Variants in MAPK8 observed in about 807,000 individuals in gnomAD.
MAPK8 encodes the protein mitogen-activated protein kinase 8.
In MAPK8, 13 loss-of-function variants were observed where a neutral mutation model predicts 52.9. The ratio of observed to expected loss-of-function variants is 0.25; its 90% CI spans 0.16 to 0.39. MAPK8 has a LOEUF of 0.39. Among genes scored for constraint, MAPK8 ranks in the 10% least tolerant of loss-of-function variants. The pLI, the probability that MAPK8 is intolerant of heterozygous loss-of-function variation, is 1.00. For synonymous variants in MAPK8, 191 were observed against 169.8 expected, an observed-to-expected ratio of 1.12 and a Z score of -0.97; for missense variants, 300 against 519.2, an observed-to-expected ratio of 0.58 and a Z score of 4.10.
At chr10:48,417,707 A>G (rs546937534) in intron 5 of MAPK8, among the ~76,000 whole-genome samples, 2 of 152,310 alleles carry the variant, frequency 1.3e-5, no homozygotes, top group South Asian at 2.1e-4. Flanking sequence ...GACTGAACCT[A>G]TCGATAGGGT....
At chr10:48,380,841 A>G (rs1040155207) in intron 1 of MAPK8, among the ~76,000 whole-genome samples, 3 of 152,264 alleles carry the variant, frequency 2.0e-5, no homozygotes, top group African/African-American at 7.2e-5. Flanking sequence ...AGTCATTTAA[A>G]CAAAGTGATA....
intron 7 of MAPK8, 131 bp from the exon 8 acceptor site, chr10:48,425,757 G>T (rs1377813825): frequency 5.7e-6 from 3 of 527,304 alleles, no homozygotes; most frequent in Admixed American, 3.3e-5. Flanking sequence ...CAGGGTGCCT[G>T]TGAGATATAA....
rs1430645420 is a variant in MAPK8, at chr10:48,437,788, C to T, written c.*2759C>T. 1 of 152,220 alleles carries T rather than the reference C, an allele frequency of 6.6e-6. No individual in the cohort carries two copies. Among genetic ancestry groups the T allele is most frequent in the Non-Finnish European group, 1.5e-5 (1 of 68,052 alleles). 9.4% of individuals were successfully genotyped at this position (152,220 alleles called of 1,614,324 possible). A position where few individuals can be genotyped will look rare whatever the true frequency, so the allele number is the denominator to read the frequency against. On this transcript the variant is annotated 3_prime_UTR_variant, in exon 12 of 12. Transcript: ENST00000374189. ...GCCAGACTTCTAAGAGAAACACCAGCCTCTTAAATCAGAAGCCTACACACA... is the reference window on the plus strand; with the variant it reads ...GCCAGACTTCTAAGAGAAACACCAGTCTCTTAAATCAGAAGCCTACACACA...
chr10:48,407,248 C>T (rs187363438), intron 3 of MAPK8, among the ~76,000 whole-genome samples: 4 of 152,262 alleles, frequency 2.6e-5, no homozygotes, highest in African/African-American at 7.2e-5. Flanking sequence ...GCAGAAATTA[C>T]GTGTCTAACT....
intron 1 of MAPK8, among the ~76,000 whole-genome samples, chr10:48,363,981 C>A (rs74130254): frequency 6.7e-4 from 102 of 152,310 alleles, no homozygotes; most frequent in African/African-American, 2.5e-3. Flanking sequence ...GACTTTAATT[C>A]AATTGCCAAT....
chr10:48,334,320 G>C (rs1461592202), intron 1 of MAPK8, among the ~76,000 whole-genome samples: 1 of 152,218 alleles, frequency 6.6e-6, no homozygotes, highest in African/African-American at 2.4e-5. Context: ...TCCCCAACTG[G>C]AGGTTTCTTG....
At chr10:48,383,807 C>T (rs1259872306) in intron 1 of MAPK8, among the ~76,000 whole-genome samples, 1 of 152,176 alleles carries the variant, frequency 6.6e-6, no homozygotes, top group Non-Finnish European at 1.5e-5. Flanking sequence ...CTCTTTTAGA[C>T]TATTAATTTT....
Position 48,404,928 on chromosome 10 carries a change from G to A in MAPK8, c.199G>A (p.Ala67Thr). The change falls in exon 3 of 12, where the codon GCC becomes ACC. Residue 67 changes from alanine (A) to threonine (T), a missense_variant. Ala to Thr is a moderately conservative substitution (Grantham distance 58). Around this residue, in one of 3 missense-constraint regions of MAPK8, gnomAD observed 147 missense variants for 328.1 expected, o/e 0.45. Coordinates refer to ENST00000374189, the MANE Select transcript of MAPK8 (RefSeq NM_001323329.2). Reference sequence around the variant, plus strand: ...CCGACCATTTCAGAATCAGACTCATGCCAAGCGGGCCTACAGAGAGCTAGT... The same window carrying A: ...CCGACCATTTCAGAATCAGACTCATACCAAGCGGGCCTACAGAGAGCTAGT... ...LSRPFQNQTH[A>T]KRAYRELVLM... The A allele has an allele frequency of 6.2e-7, 1 of 1,609,526 alleles. No individual in the cohort carries two copies.
intron 3 of MAPK8, among the ~76,000 whole-genome samples, chr10:48,408,956 T>G (rs748364764): frequency 2.6e-4 from 40 of 152,208 alleles, no homozygotes; most frequent in Non-Finnish European, 5.7e-4. Context: ...TCGTCTTCCC[T>G]TGTTTTAGGC....
intron 5 of MAPK8, among the ~76,000 whole-genome samples, chr10:48,414,994 A>T (rs994795477): frequency 6.6e-6 from 1 of 152,160 alleles, no homozygotes; most frequent in Admixed American, 6.5e-5. Flanking sequence ...TTTTCACAGT[A>T]TAAGACAATT....
intron 1 of MAPK8, among the ~76,000 whole-genome samples, chr10:48,391,770 A>ACTT (rs1399114083): frequency 3.3e-5 from 5 of 152,182 alleles, no homozygotes; most frequent in Non-Finnish European, 1.5e-5. Flanking sequence ...CAGGTCTGGA[A>ACTT]CTTCTGACTG....
chr10:48,398,028 T>G (rs112423917), intron 1 of MAPK8, among the ~76,000 whole-genome samples: 8,871 of 152,302 alleles, frequency 0.058, 614 homozygotes, highest in Admixed American at 0.21. Flanking sequence ...ATTAATAGTT[T>G]TATACCAGTG....
chr10:48,368,489 C>T (rs560715826), intron 1 of MAPK8, among the ~76,000 whole-genome samples: 1 of 152,254 alleles, frequency 6.6e-6, no homozygotes, highest in South Asian at 2.1e-4. Context: ...GTGGCTGGAT[C>T]CTGGGATTGG....
chr10:48,377,607 G>A (rs137868274), intron 1 of MAPK8, among the ~76,000 whole-genome samples: 4 of 152,054 alleles, frequency 2.6e-5, no homozygotes, highest in African/African-American at 9.7e-5. Context: ...CCCTCCCCTG[G>A]ATTGGAGAAG....
At chr10:48,416,608 T>A (rs948853153) in intron 5 of MAPK8, among the ~76,000 whole-genome samples, 1 of 152,190 alleles carries the variant, frequency 6.6e-6, no homozygotes. Flanking sequence ...GCCAACCCTA[T>A]AACCACTGCT....
intron 1 of MAPK8, among the ~76,000 whole-genome samples, chr10:48,386,514 T>C (rs765912469): frequency 2.0e-5 from 3 of 152,224 alleles, no homozygotes; most frequent in Non-Finnish European, 2.9e-5. Flanking sequence ...CTACATGCAG[T>C]TGAGCAAGCC....
chr10:48,426,651 A>G (rs1564620750), intron 9 of MAPK8, 147 bp downstream of exon 9: 1 of 741,848 alleles, frequency 1.3e-6, no homozygotes, highest in Non-Finnish European at 2.1e-6. Context: ...GACTACGTCA[A>G]ATAAACTAAT....
At chr10:48,317,018 C>T (rs1385738127) in intron 1 of MAPK8, among the ~76,000 whole-genome samples, 2 of 152,104 alleles carry the variant, frequency 1.3e-5, no homozygotes, top group African/African-American at 4.8e-5. Context: ...GTTTAAACAT[C>T]CCACAGCAAC....
intron 1 of MAPK8, among the ~76,000 whole-genome samples, chr10:48,316,693 T>C (rs1193043168): frequency 6.6e-6 from 1 of 152,214 alleles, no homozygotes; most frequent in Non-Finnish European, 1.5e-5. Flanking sequence ...ATTTGGCAAC[T>C]GGATTGGGGC....
Sources: gnomAD v4.1 joint callset for allele counts (sites outside exome capture counted in the v4.1 genomes callset) on GRCh38, gnomAD v4.1.1 for gene constraint, gnomAD v4.1.1 regional missense constraint, MANE v1.5 for transcripts, NCBI Gene and HGNC (gene_info 2026-07-23, HGNC 2026-07-21) for gene names.